The following KCNAB1 variants were observed in gnomAD, a reference collection of about 807,000 sequenced individuals.
KCNAB1 encodes potassium voltage-gated channel subfamily A regulatory beta subunit 1, also known as voltage-gated potassium channel subunit beta-1.
KCNAB1 carries 35 observed loss-of-function variants against 64.6 expected under a neutral mutation model. The observed-to-expected ratio is 0.54, with a 90% confidence interval of 0.41 to 0.72. The LOEUF (loss-of-function observed/expected upper bound fraction) is 0.72. KCNAB1 is among the 30% of genes least tolerant of loss of function. The probability of loss-of-function intolerance (pLI) is 0.00; values close to 1 mark genes in which losing one functional copy is unlikely to be tolerated. For missense variants in KCNAB1, 401 were observed against 512.9 expected (o/e 0.78, Z 2.11); for synonymous variants, 177 against 183.8 (o/e 0.96, Z 0.30).
chr3:156,352,408 G>T (rs555687557), intron 1 of KCNAB1, among the ~76,000 whole-genome samples: 159 of 152,262 alleles, frequency 1.0e-3, no homozygotes, highest in Non-Finnish European at 1.5e-3. Flanking sequence ...TGTCACAGCC[G>T]CTCTAAGCAA....
chr3:156,280,008 T>C (rs1337163585), intron 1 of KCNAB1, among the ~76,000 whole-genome samples: 1 of 149,930 alleles, frequency 6.7e-6, no homozygotes, highest in Non-Finnish European at 1.5e-5. Flanking sequence ...TTTGTTGCCA[T>C]TGCTTTTGGT....
At chr3:156,136,602 G>C (rs2108272157) in intron 1 of KCNAB1, among the ~76,000 whole-genome samples, 1 of 152,304 alleles carries the variant, frequency 6.6e-6, no homozygotes, top group Middle Eastern at 3.4e-3. Context: ...AGAGAGCCTA[G>C]AGCCTAAATA....
intron 1 of KCNAB1, among the ~76,000 whole-genome samples, chr3:156,279,866 A>T (rs1207149238): frequency 6.7e-6 from 1 of 149,892 alleles, no homozygotes; most frequent in Non-Finnish European, 1.5e-5. Context: ...TCTGGATATT[A>T]GCCCTTTGTC....
At chr3:156,176,518 AT>A (rs1160600451) in intron 1 of KCNAB1, 1 of 798,942 alleles carries the variant, frequency 1.3e-6, no homozygotes, top group African/African-American at 1.7e-5. Context: ...CCACAGTTTT[AT>A]CTGTGGATGC....
intron 1 of KCNAB1, among the ~76,000 whole-genome samples, chr3:156,405,086 A>C (rs1714159664): frequency 6.6e-6 from 1 of 152,234 alleles, no homozygotes; most frequent in Non-Finnish European, 1.5e-5. Context: ...TAACTTAAAA[A>C]TATGGCAGAA....
At chr3:156,176,759 C>G in intron 1 of KCNAB1, 1 of 900,270 alleles carries the variant, frequency 1.1e-6, no homozygotes, top group Admixed American at 1.7e-5. Flanking sequence ...AGGAACACCT[C>G]GGAGGTCCTG....
intron 1 of KCNAB1, among the ~76,000 whole-genome samples, chr3:156,345,514 A>G (rs1724427563): frequency 6.6e-6 from 1 of 152,218 alleles, no homozygotes; most frequent in Admixed American, 6.5e-5. Flanking sequence ...ATTCAAGGCA[A>G]TGAGAATGAG....
At chr3:156,218,823 AAAT>A (rs1715508707) in intron 1 of KCNAB1, among the ~76,000 whole-genome samples, 1 of 136,448 alleles carries the variant, frequency 7.3e-6, no homozygotes, top group Non-Finnish European at 1.6e-5. Flanking sequence ...AATAAAATAA[AAAT>A]AAATAAATAA....
chr3:156,347,424 C>G (rs1006220074), intron 1 of KCNAB1, among the ~76,000 whole-genome samples: 10 of 152,172 alleles, frequency 6.6e-5, no homozygotes, highest in Admixed American at 2.6e-4. Flanking sequence ...TCTGAAGACT[C>G]TAAGAAGACA....
intron 1 of KCNAB1, among the ~76,000 whole-genome samples, chr3:156,253,176 G>T (rs1717928309): frequency 6.6e-6 from 1 of 152,238 alleles, no homozygotes; most frequent in African/African-American, 2.4e-5. Flanking sequence ...CCAGGCCTGT[G>T]TTTAAGAAGA....
At chr3:156,180,676 A>G (rs6441044) in intron 1 of KCNAB1, among the ~76,000 whole-genome samples, 151,407 of 152,322 alleles carry the variant, frequency 0.99, 75,248 homozygotes, top group East Asian at 1. Flanking sequence ...TCTGAGTTAG[A>G]TGCAATGATG....
chr3:156,389,422 C>T (rs1241509763), intron 1 of KCNAB1, among the ~76,000 whole-genome samples: 1 of 152,210 alleles, frequency 6.6e-6, no homozygotes, highest in African/African-American at 2.4e-5. Context: ...TCTGAATCTC[C>T]CAACTGCTCT....
intron 1 of KCNAB1, among the ~76,000 whole-genome samples, chr3:156,225,085 C>A (rs1716066791): frequency 6.6e-6 from 1 of 152,028 alleles, no homozygotes; most frequent in Non-Finnish European, 1.5e-5. Flanking sequence ...CCAGAATCAC[C>A]CTAATACCAA....
chr3:156,273,436 A>C, intron 1 of KCNAB1: 1 of 367,940 alleles, frequency 2.7e-6, no homozygotes, highest in Non-Finnish European at 5.5e-6. Context: ...CCTGGTCTAA[A>C]TGCTCCTTCT....
chr3:156,158,432 G>T (rs1024373875), intron 1 of KCNAB1, among the ~76,000 whole-genome samples: 1 of 152,030 alleles, frequency 6.6e-6, no homozygotes, highest in Admixed American at 6.6e-5. Context: ...AAAAATTTGG[G>T]CTCTCATGTA....
chr3:156,513,086 C>T (rs1320092198), intron 8 of KCNAB1, among the ~76,000 whole-genome samples: 2 of 152,188 alleles, frequency 1.3e-5, no homozygotes, highest in Non-Finnish European at 2.9e-5. Context: ...GTGGCGGGCA[C>T]CTGTAGTCCC....
At chr3:156,351,761 C>G (rs976726233) in intron 1 of KCNAB1, among the ~76,000 whole-genome samples, 32 of 152,330 alleles carry the variant, frequency 2.1e-4, no homozygotes, top group Admixed American at 1.9e-3. Context: ...TTTATTTATT[C>G]TAGTAGATGT....
At chr3:156,175,591 C>T (rs1174315449) in intron 1 of KCNAB1, among the ~76,000 whole-genome samples, 1 of 152,226 alleles carries the variant, frequency 6.6e-6, no homozygotes, top group Non-Finnish European at 1.5e-5. Context: ...GCACTCCAGC[C>T]TGGGTGATAG....
At chr3:156,172,748 C>T (rs567705221) in intron 1 of KCNAB1, among the ~76,000 whole-genome samples, 5 of 152,196 alleles carry the variant, frequency 3.3e-5, no homozygotes, top group South Asian at 4.2e-4. Context: ...GGGATAAAAC[C>T]GTAGGCTAAA....
Sources: allele counts gnomAD v4.1 joint callset (sites outside exome capture counted in the v4.1 genomes callset), GRCh38; gene constraint gnomAD v4.1.1; transcripts MANE v1.5; gene names NCBI Gene and HGNC (gene_info 2026-07-23, HGNC 2026-07-21).